The following DLGAP1 variants were observed in gnomAD, a reference collection of about 807,000 sequenced individuals.
DLGAP1 encodes disks large-associated protein 1.
A neutral mutation model predicts 90.8 loss-of-function variants in DLGAP1; 11 were observed. That is an observed-to-expected ratio of 0.12 (90% CI 0.08 to 0.20). DLGAP1 has a LOEUF of 0.20. DLGAP1 is among the 10% of genes least tolerant of loss of function. DLGAP1 has a pLI of 1.00. For synonymous variants in DLGAP1, 558 were observed against 540.7 expected (o/e 1.03, Z -0.44); for missense variants, 1,050 against 1,333.8 (o/e 0.79, Z 3.31).
chr18:4,305,993 C>T (rs1431499242), intron 1 of DLGAP1, among the ~76,000 whole-genome samples: 2 of 148,846 alleles, frequency 1.3e-5, no homozygotes, highest in African/African-American at 5.0e-5. Context: ...AATGAAACAA[C>T]TCCCAAAACA....
At chr18:4,405,712 G>A (rs1457496154) in intron 1 of DLGAP1, among the ~76,000 whole-genome samples, 1 of 152,128 alleles carries the variant, frequency 6.6e-6, no homozygotes, top group Non-Finnish European at 1.5e-5. Context: ...TGTGCGCTTA[G>A]AAGACTATCT....
chr18:3,886,077 A>G (rs956178207), intron 3 of DLGAP1, among the ~76,000 whole-genome samples: 2 of 152,168 alleles, frequency 1.3e-5, no homozygotes, highest in Non-Finnish European at 2.9e-5. Context: ...TTTTCTTTAC[A>G]TGCAGAAATA....
intron 3 of DLGAP1, among the ~76,000 whole-genome samples, chr18:4,004,518 T>C (rs982330325): frequency 6.6e-6 from 1 of 152,082 alleles, no homozygotes; most frequent in South Asian, 2.1e-4. Flanking sequence ...GAAATACACA[T>C]GAATTAGATT....
At position 3,499,298 on chromosome 18, in the gene DLGAP1, C is replaced by A. The variant is rs779717323; in HGVS notation, c.2821G>T (p.Ala941Ser). 7 of 1,585,714 alleles carry A rather than the reference C, an allele frequency of 4.4e-6. No individual in the cohort carries two copies. Among genetic ancestry groups the A allele is most frequent in the East Asian group, 2.3e-5 (1 of 43,208 alleles). ...TTGGCGGCCATCAGGCGCTTGCGGG[C>A]CTCCTGGCGCTGCGAGCTCTCCAGC... is the stretch of plus-strand genomic sequence containing the variant. ...RSLESSQRQE[A>S]RKRLMAAKRA... Residue 941 changes from alanine (A) to serine (S), a missense_variant, in exon 13 of 13, where the codon GCC becomes TCC. Around this residue, in one of 2 missense-constraint regions of DLGAP1, gnomAD observed 565 missense variants for 879.7 expected, o/e 0.64. Coordinates refer to ENST00000315677, the MANE Select transcript of DLGAP1 (RefSeq NM_004746.4). The surrounding 1 kb of genome is among the most constrained non-coding windows in gnomAD (Gnocchi z 6.4).
At chr18:4,283,260 T>C (rs2079597759) in intron 1 of DLGAP1, among the ~76,000 whole-genome samples, 1 of 152,354 alleles carries the variant, frequency 6.6e-6, no homozygotes, top group African/African-American at 2.4e-5. Context: ...TGAGTTAAAG[T>C]GCTTTCAGAA....
At chr18:3,844,250 A>G (rs748446111) in intron 4 of DLGAP1, among the ~76,000 whole-genome samples, 45 of 152,240 alleles carry the variant, frequency 3.0e-4, no homozygotes, top group Non-Finnish European at 5.3e-4. Context: ...TTGTGAACCT[A>G]AAGTCTCTGA....
At chr18:3,829,442 TG>T (rs1250654076) in intron 4 of DLGAP1, among the ~76,000 whole-genome samples, 2 of 2,674 alleles carry the variant, frequency 7.5e-4, no homozygotes, top group African/African-American at 3.5e-3. Flanking sequence ...TCTCTGAGCT[TG>T]GGGGTGGGAG....
At chr18:3,807,286 C>A (rs144298193) in intron 5 of DLGAP1, among the ~76,000 whole-genome samples, 35 of 152,268 alleles carry the variant, frequency 2.3e-4, no homozygotes, top group Middle Eastern at 3.4e-3. Context: ...TCTTCCTTTC[C>A]CCTCCATTAT....
chr18:4,144,478 T>C (rs1361183077), intron 2 of DLGAP1, among the ~76,000 whole-genome samples: 2 of 152,344 alleles, frequency 1.3e-5, no homozygotes, highest in South Asian at 2.1e-4. Flanking sequence ...ACAGGGCCCC[T>C]GCTGGGAGAC....
At chr18:4,374,854 T>C (rs1289155261) in intron 1 of DLGAP1, among the ~76,000 whole-genome samples, 2 of 152,066 alleles carry the variant, frequency 1.3e-5, no homozygotes, top group Non-Finnish European at 2.9e-5. Context: ...CCTAATGAAA[T>C]ATAAGTATGG....
At chr18:3,627,491 C>T (rs892932015) in intron 7 of DLGAP1, among the ~76,000 whole-genome samples, 1 of 151,364 alleles carries the variant, frequency 6.6e-6, no homozygotes. Context: ...TCCTGTCCTT[C>T]TCCCACACGC....
chr18:4,102,567 A>G (rs1321783547), intron 2 of DLGAP1, among the ~76,000 whole-genome samples: 1 of 152,240 alleles, frequency 6.6e-6, no homozygotes, highest in Non-Finnish European at 1.5e-5. Context: ...AGGCAGACAC[A>G]GGATCACTGG....
chr18:4,269,730 G>A (rs1454082473), intron 1 of DLGAP1, among the ~76,000 whole-genome samples: 1 of 151,624 alleles, frequency 6.6e-6, no homozygotes. Context: ...TATAATTAAT[G>A]TTACAGCTAT....
chr18:4,163,352 C>T (rs760270424), intron 1 of DLGAP1, among the ~76,000 whole-genome samples: 9 of 152,158 alleles, frequency 5.9e-5, no homozygotes, highest in Admixed American at 6.5e-5. Flanking sequence ...GCTTAGCAAT[C>T]GTAGTTGAAC....
intron 3 of DLGAP1, chr18:3,984,051 C>T (rs1052488650): frequency 1.3e-5 from 2 of 152,206 alleles, no homozygotes; most frequent in East Asian, 1.9e-4. Flanking sequence ...AAGATCCTCA[C>T]GGAATGGAAA....
intron 9 of DLGAP1, among the ~76,000 whole-genome samples, chr18:3,556,383 A>G (rs996155143): frequency 1.3e-5 from 2 of 152,076 alleles, no homozygotes; most frequent in African/African-American, 2.4e-5. Context: ...ATACATTCAG[A>G]ATCGTTTCAC....
intron 1 of DLGAP1, among the ~76,000 whole-genome samples, chr18:4,394,083 A>AT (rs1276225415): frequency 6.6e-6 from 1 of 152,250 alleles, no homozygotes; most frequent in African/African-American, 2.4e-5. Context: ...TATGTAATAA[A>AT]TATTTATTGA....
chr18:4,218,389 ATATATTTACAATG>A (rs2144946495), intron 1 of DLGAP1, among the ~76,000 whole-genome samples: 1 of 152,174 alleles, frequency 6.6e-6, no homozygotes, highest in African/African-American at 2.4e-5. Flanking sequence ...ATATTTTGAT[ATATATTTACAATG>A]TAGAATGATT....
intron 6 of DLGAP1, among the ~76,000 whole-genome samples, chr18:3,730,374 CT>C (rs34135102): frequency 6.6e-6 from 1 of 152,050 alleles, no homozygotes; most frequent in African/African-American, 2.4e-5. Context: ...TGGGGGCCCT[CT>C]TTTTTTGACG....
Sources: gnomAD v4.1 joint callset for allele counts (sites outside exome capture counted in the v4.1 genomes callset) on GRCh38, gnomAD v4.1.1 for gene constraint, gnomAD v4.1.1 regional missense constraint, Gnocchi (gnomAD v3.1) non-coding constraint, MANE v1.5 for transcripts, NCBI Gene and HGNC (gene_info 2026-07-23, HGNC 2026-07-21) for gene names.